Variants in IL1RAPL2 observed in about 807,000 individuals in gnomAD.
IL1RAPL2 encodes the protein interleukin 1 receptor accessory protein like 2, also known as X-linked interleukin-1 receptor accessory protein-like 2.
IL1RAPL2 carries 3 observed loss-of-function variants against 44.1 expected under a neutral mutation model. The observed-to-expected ratio is 0.07, with a 90% CI of 0.03 to 0.18. The LOEUF (loss-of-function observed/expected upper bound fraction) is 0.18, where lower values mean the gene tolerates loss of function less well. IL1RAPL2 is among the 10% of genes least tolerant of loss of function. IL1RAPL2 has a pLI of 1.00. For synonymous variants in IL1RAPL2, 181 were observed against 178.8 expected (o/e 1.01, Z -0.10); for missense variants, 391 against 496.4 (o/e 0.79, Z 2.02).
chrX:105,440,940 A>C (rs2035916504), intron 5 of IL1RAPL2, among the ~76,000 whole-genome samples: 1 of 111,531 alleles, frequency 9.0e-6, no homozygotes, highest in South Asian at 3.7e-4. Flanking sequence ...ACCATGTAAG[A>C]TGTGTCTGGC....
chrX:104,882,156 G>A (rs1923086188), intron 2 of IL1RAPL2, among the ~76,000 whole-genome samples: 1 of 111,791 alleles, frequency 8.9e-6, no homozygotes, highest in Non-Finnish European at 1.9e-5. Context: ...TTACAGAAAT[G>A]TGCAGATATG....
At chrX:105,670,899 A>T (rs2037818783) in intron 6 of IL1RAPL2, among the ~76,000 whole-genome samples, 1 of 107,007 alleles carries the variant, frequency 9.3e-6, no homozygotes, top group African/African-American at 3.4e-5. Context: ...GTGTATATAT[A>T]TTATATATAT....
chrX:104,847,432 C>T (rs1421367644), intron 2 of IL1RAPL2, among the ~76,000 whole-genome samples: 2 of 111,589 alleles, frequency 1.8e-5, no homozygotes, highest in Non-Finnish European at 3.8e-5. Flanking sequence ...TTTCCCAGCA[C>T]CATTTGTTAA....
chrX:105,185,577 A>G (rs782613532), intron 2 of IL1RAPL2, among the ~76,000 whole-genome samples: 1 of 111,360 alleles, frequency 9.0e-6, no homozygotes, highest in African/African-American at 3.3e-5. Flanking sequence ...CTTTCCTTAA[A>G]TTGGGTATCT....
At chrX:104,837,571 GTTGT>G (rs1921774357) in intron 2 of IL1RAPL2, among the ~76,000 whole-genome samples, 1 of 111,659 alleles carries the variant, frequency 9.0e-6, no homozygotes. Flanking sequence ...TTTTGATGGG[GTTGT>G]TTGTTTTTTT....
chrX:104,788,888 T>C (rs1200447632), intron 2 of IL1RAPL2, among the ~76,000 whole-genome samples: 1 of 112,052 alleles, frequency 8.9e-6, no homozygotes, highest in African/African-American at 3.2e-5. Context: ...ATTCTTAGTG[T>C]TGTGCCCCAT....
intron 2 of IL1RAPL2, among the ~76,000 whole-genome samples, chrX:105,123,943 G>A (rs1410606996): frequency 9.0e-6 from 1 of 110,902 alleles, no homozygotes; most frequent in Admixed American, 9.6e-5. Flanking sequence ...CCTCAAACCT[G>A]GCTTGGTTTA....
chrX:104,650,885 C>T (rs909540892), intron 1 of IL1RAPL2, among the ~76,000 whole-genome samples: 2 of 111,709 alleles, frequency 1.8e-5, no homozygotes, highest in African/African-American at 6.5e-5. Flanking sequence ...TCACACAGAC[C>T]TACATTCAAA....
At chrX:105,031,803 A>G (rs2031503631) in intron 2 of IL1RAPL2, among the ~76,000 whole-genome samples, 1 of 111,795 alleles carries the variant, frequency 8.9e-6, no homozygotes, top group Admixed American at 9.5e-5. Flanking sequence ...TGATTGGAAT[A>G]GTTTCAGAAG....
chrX:104,738,988 A>G (rs1207512402), intron 2 of IL1RAPL2, among the ~76,000 whole-genome samples: 1 of 111,626 alleles, frequency 9.0e-6, no homozygotes, highest in Non-Finnish European at 1.9e-5. Context: ...GATACCGAGA[A>G]TGATGTAGTT....
In IL1RAPL2 at chrX:105,195,509, G is replaced by T; in HGVS notation, c.117G>T (p.Lys39Asn). ...DGCIDWSVDL[K>N]TYMALAGEPV... ...GCATTGACTGGTCAGTGGATCTCAA[G>T]ACATACATGGCTTTGGCAGGTGAAC... The change falls in exon 3 of 11, where the codon AAG (lysine) becomes AAT (asparagine). Residue 39 changes from lysine to asparagine, a missense_variant. Physicochemically the swap from Lys to Asn is moderately conservative, Grantham distance 94 (BLOSUM62 0). This residue lies in a region of IL1RAPL2 where 159 missense variants were observed against 251.7 expected (regional missense o/e 0.63). Coordinates refer to ENST00000372582, the MANE Select transcript of IL1RAPL2 (RefSeq NM_017416.2). 1 of 1,211,632 alleles carries T rather than the reference G, an allele frequency of 8.3e-7. No individual in the cohort carries two copies. Among genetic ancestry groups the T allele is most frequent in the Non-Finnish European group, 1.1e-6 (1 of 895,207 alleles).
intron 2 of IL1RAPL2, among the ~76,000 whole-genome samples, chrX:104,937,608 T>C (rs1453639304): frequency 1.8e-5 from 2 of 112,306 alleles, no homozygotes; most frequent in African/African-American, 6.5e-5. Context: ...TCCAGCAACA[T>C]CACTACATTA....
intron 2 of IL1RAPL2, among the ~76,000 whole-genome samples, chrX:104,946,404 A>AAAAAAAAAAAAAC (rs1925361158): frequency 1.0e-5 from 1 of 96,561 alleles, no homozygotes; most frequent in Non-Finnish European, 2.1e-5. Flanking sequence ...AAAAAAAAAA[A>AAAAAAAAAAAAAC]AAAAACTTTT....
chrX:105,729,907 A>T, intron 7 of IL1RAPL2, among the ~76,000 whole-genome samples: 1 of 73,582 alleles, frequency 1.4e-5, no homozygotes, highest in Non-Finnish European at 2.3e-5. Context: ...GAAGGAAGGA[A>T]GGAAGGAAGG....
intron 2 of IL1RAPL2, among the ~76,000 whole-genome samples, chrX:105,074,268 C>T (rs775583599): frequency 9.0e-6 from 1 of 111,526 alleles, no homozygotes; most frequent in African/African-American, 3.3e-5. Flanking sequence ...ATGGCTAGCC[C>T]GTTTTCCCAG....
At chrX:104,899,611 T>C (rs1384549232) in intron 2 of IL1RAPL2, among the ~76,000 whole-genome samples, 1 of 111,416 alleles carries the variant, frequency 9.0e-6, no homozygotes, top group Non-Finnish European at 1.9e-5. Flanking sequence ...TGTGTGCTCT[T>C]TTCTTTTTCT....
At chrX:105,267,616 T>C in intron 5 of IL1RAPL2, 75 bp downstream of exon 5, 2 of 778,399 alleles carry the variant, frequency 2.6e-6, no homozygotes, top group Non-Finnish European at 3.7e-6. Flanking sequence ...AGAGTTTTGT[T>C]CAAAGAGTCA....
chrX:104,857,885 T>C (rs928427017), intron 2 of IL1RAPL2, among the ~76,000 whole-genome samples: 4 of 111,404 alleles, frequency 3.6e-5, no homozygotes, highest in African/African-American at 9.8e-5. Context: ...GATTCATACA[T>C]ACTAAAAAAA....
intron 3 of IL1RAPL2, among the ~76,000 whole-genome samples, chrX:105,212,369 CCA>C (rs1417048416): frequency 1.8e-5 from 2 of 112,088 alleles, no homozygotes; most frequent in Non-Finnish European, 3.8e-5. Context: ...GGTGAATTCA[CCA>C]CAGTGTGGCA....
Sources: allele counts gnomAD v4.1 joint callset (sites outside exome capture counted in the v4.1 genomes callset), GRCh38; gene constraint gnomAD v4.1.1; regional missense constraint gnomAD v4.1.1; transcripts MANE v1.5; gene names NCBI Gene and HGNC (gene_info 2026-07-23, HGNC 2026-07-21).